DRC8: variants seen among roughly 807,000 people sequenced by gnomAD.
The protein encoded by DRC8 is dynein regulatory complex subunit 8.
At chr1:245,113,010 T>G in the DRC8 span, among the ~76,000 whole-genome samples, 18 of 152,194 alleles carry the variant, frequency 1.2e-4, 1 homozygote, top group Admixed American at 1.1e-3. Flanking sequence ...TGCCTCGGCC[T>G]CCCAAAGTGT....
At chr1:245,085,802 C>G in the DRC8 span, among the ~76,000 whole-genome samples, 2 of 152,086 alleles carry the variant, frequency 1.3e-5, no homozygotes, top group Admixed American at 6.5e-5. Context: ...TGAGGGCACC[C>G]AAATAAGGGC....
At chr1:245,108,412 C>T in the DRC8 span, among the ~76,000 whole-genome samples, 17 of 152,210 alleles carry the variant, frequency 1.1e-4, no homozygotes. Context: ...TGAAAAGACA[C>T]ATTGTTTCCG....
At chr1:245,076,302 T>C in the DRC8 span, among the ~76,000 whole-genome samples, 1 of 152,212 alleles carries the variant, frequency 6.6e-6, no homozygotes, top group Non-Finnish European at 1.5e-5. Context: ...TCATATCTCA[T>C]GGAACCTTCA....
chr1:245,100,293 G>A, the DRC8 span, among the ~76,000 whole-genome samples: 4 of 152,112 alleles, frequency 2.6e-5, no homozygotes, highest in African/African-American at 7.2e-5. Flanking sequence ...GCTGAGACAG[G>A]AGAATTGCTT....
At chr1:245,013,799 G>A in the DRC8 span, among the ~76,000 whole-genome samples, 1 of 152,080 alleles carries the variant, frequency 6.6e-6, no homozygotes. Flanking sequence ...GGGAGGCTGA[G>A]GCAGTTGGAT....
the DRC8 span, among the ~76,000 whole-genome samples, chr1:245,001,245 G>A: frequency 6.6e-6 from 1 of 152,096 alleles, no homozygotes; most frequent in South Asian, 2.1e-4. Context: ...AATACGTAGG[G>A]AAAATAGTTA....
the DRC8 span, among the ~76,000 whole-genome samples, chr1:245,099,723 C>T: frequency 1.4e-4 from 21 of 152,210 alleles, no homozygotes; most frequent in African/African-American, 5.1e-4. Flanking sequence ...GGAAGGATGA[C>T]TTATTTTTTT....
chr1:244,973,882 C>G, the DRC8 span, among the ~76,000 whole-genome samples: 1 of 152,090 alleles, frequency 6.6e-6, no homozygotes, highest in Admixed American at 6.5e-5. Context: ...GGCTATTGTG[C>G]TCATAAAATT....
the DRC8 span, among the ~76,000 whole-genome samples, chr1:244,990,364 G>A: frequency 3.3e-5 from 5 of 152,294 alleles, 1 homozygote; most frequent in South Asian, 1.0e-3. Context: ...TCACAGGCAT[G>A]TATGAATAGG....
the DRC8 span, among the ~76,000 whole-genome samples, chr1:245,068,601 C>G: frequency 3.7e-4 from 56 of 151,728 alleles, no homozygotes; most frequent in Non-Finnish European, 1.2e-4. Flanking sequence ...GCCACCACTC[C>G]CAGCTAATTT....
the DRC8 span, among the ~76,000 whole-genome samples, chr1:245,043,045 G>C: frequency 6.6e-6 from 1 of 152,116 alleles, no homozygotes; most frequent in African/African-American, 2.4e-5. Context: ...TATAGCACAG[G>C]TACAGAAAAA....
chr1:245,102,936 A>G, the DRC8 span, among the ~76,000 whole-genome samples: 1 of 139,756 alleles, frequency 7.2e-6, no homozygotes, highest in African/African-American at 2.7e-5. Context: ...AGGGGGGACC[A>G]GAGAGGCCAA....
At chr1:245,035,199 T>A in the DRC8 span, among the ~76,000 whole-genome samples, 137 of 144,354 alleles carry the variant, frequency 9.5e-4, no homozygotes, top group Middle Eastern at 3.6e-3. Context: ...TTTTTTTTTT[T>A]AAACAAATTG....
the DRC8 span, among the ~76,000 whole-genome samples, chr1:245,046,297 A>G: frequency 6.6e-6 from 1 of 151,106 alleles, no homozygotes. Flanking sequence ...GTGTTTTTAC[A>G]TTTTTCTCTT....
chr1:244,996,873 G>C, the DRC8 span, among the ~76,000 whole-genome samples: 15 of 152,154 alleles, frequency 9.9e-5, no homozygotes, highest in African/African-American at 3.6e-4. Context: ...CCCTTGGCAT[G>C]TGGCGGGGAT....
At chr1:245,109,640 C>T in the DRC8 span, among the ~76,000 whole-genome samples, 1 of 152,218 alleles carries the variant, frequency 6.6e-6, no homozygotes, top group Non-Finnish European at 1.5e-5. Context: ...TTTAATGTAA[C>T]CCCTATAATA....
At chr1:245,036,199 A>G in the DRC8 span, among the ~76,000 whole-genome samples, 1 of 152,200 alleles carries the variant, frequency 6.6e-6, no homozygotes, top group African/African-American at 2.4e-5. Flanking sequence ...AAGACAACCC[A>G]ATTAAAATGT....
the DRC8 span, among the ~76,000 whole-genome samples, chr1:245,000,252 C>T: frequency 6.6e-6 from 1 of 152,190 alleles, no homozygotes; most frequent in Non-Finnish European, 1.5e-5. Flanking sequence ...TCTTATTGTA[C>T]TGTACTCACC....
At chr1:244,989,587 G>A in the DRC8 span, among the ~76,000 whole-genome samples, 1 of 152,148 alleles carries the variant, frequency 6.6e-6, no homozygotes, top group African/African-American at 2.4e-5. Context: ...GATCACTGTT[G>A]ATGTTAGCCT....
Sources: allele counts gnomAD v4.1 joint callset (sites outside exome capture counted in the v4.1 genomes callset), GRCh38; gene constraint gnomAD v4.1.1; transcripts MANE v1.5; gene names NCBI Gene and HGNC (gene_info 2026-07-23, HGNC 2026-07-21).